Variants in HYAL3 observed in about 807,000 individuals in gnomAD.
HYAL3 encodes the protein hyaluronidase-3.
Under a neutral mutation model 29.6 loss-of-function variants are expected in HYAL3, and 25 were observed. The observed-to-expected ratio is 0.85, with a 90% CI of 0.62 to 1.18. HYAL3 has a LOEUF of 1.18. Ranked by LOEUF, HYAL3 falls within the 50% of genes most tolerant of loss-of-function variation. HYAL3 has a pLI of 0.00. For synonymous variants in HYAL3, 215 were observed against 218.3 expected (o/e 0.99, Z 0.13); for missense variants, 442 against 548.4 (o/e 0.81, Z 1.94).
chr3:50,295,215 C>A lies in HYAL3; in HGVS notation c.388G>T (p.Glu130Ter), dbSNP rs782241756. 3.7e-6 allele frequency: 6 copies of A among 1,613,552 alleles called. No homozygotes were observed. In the Admixed American group the frequency reaches 6.7e-5, roughly 18 times the overall value. The change falls in exon 2 of 4, where the codon GAG becomes TAG. Residue 130 changes from glutamate to a stop codon, truncating the protein, a stop_gained. Coordinates refer to ENST00000336307, the MANE Select transcript of HYAL3 (RefSeq NM_003549.4). LOFTEE classifies it high-confidence loss of function. ...FAGPAVLDWE[E>*]WCPLWAGNWG... is the part of the protein sequence containing the mutation. The stretch of plus-strand genomic sequence containing the variant: ...TTCCCAGCCCAGAGTGGACACCACT[C>A]CTCCCAATCCAGCACTGCTGGGCCA...
At chr3:50,298,874 C>T in intron 1 of HYAL3, 3 of 1,303,062 alleles carry the variant, frequency 2.3e-6, no homozygotes, top group Non-Finnish European at 2.9e-6. Context: ...GGGAGGAAGC[C>T]CCAGGATCCG....
chr3:50,294,367 A>G lies in HYAL3; in HGVS notation c.894+342T>C, dbSNP rs143466027. On this transcript the variant is annotated intron_variant, in intron 2 of 3. Coordinates refer to ENST00000336307, the MANE Select transcript of HYAL3 (RefSeq NM_003549.4). The stretch of plus-strand genomic sequence containing the variant: ...AGGCTGGTCTCGAACTCTTGGCCTC[A>G]AGGAATCCTTCCATCTCAGGCTCCC... 1.3e-3 allele frequency among the ~76,000 whole-genome samples: 192 copies of G among 152,260 alleles called. 1 individual carries two copies. The highest frequency in any genetic ancestry group is 4.5e-3 in the African/African-American group (185 of 41,556).
chr3:50,296,074 G>A (rs1365459652), intron 1 of HYAL3, among the ~76,000 whole-genome samples: 1 of 152,220 alleles, frequency 6.6e-6, no homozygotes. Context: ...CAGGTGGAGT[G>A]AAGTCACTTG....
At chr3:50,298,063 A>C (rs1281571167) in intron 1 of HYAL3, 5 of 985,530 alleles carry the variant, frequency 5.1e-6, no homozygotes, top group Non-Finnish European at 6.0e-6. Context: ...TCTGTCTTCC[A>C]GTAGTCCTCC....
chr3:50,298,641 C>T (rs1701971267), intron 1 of HYAL3, among the ~76,000 whole-genome samples: 1 of 152,146 alleles, frequency 6.6e-6, no homozygotes, highest in African/African-American at 2.4e-5. Context: ...CAGGTCTATG[C>T]TGGGGGTTTT....
intron 1 of HYAL3, chr3:50,296,800 T>C: frequency 1.9e-6 from 3 of 1,579,958 alleles, no homozygotes; most frequent in Non-Finnish European, 1.7e-6. Flanking sequence ...GGGGCCTTCC[T>C]GGGTGGCCGG....
rs782339965 is a variant in HYAL3 at position 50,293,302 on chromosome 3, C to G, written c.1198G>C (p.Gly400Arg). ...WKSFSCHCYW[G>R]WAGPTCQEPR... ...TCCTGGCAGGTGGGGCCAGCCCAGC[C>G]CCAGTAACAGTGGCAGCTGAAGGAC... is the stretch of plus-strand genomic sequence containing the variant. Residue 400 changes from glycine to arginine, a missense_variant, in exon 4 of 4, where the codon GGC (glycine) becomes CGC (arginine). Transcript: ENST00000336307. 2 of 1,613,380 alleles carry G rather than the reference C, an allele frequency of 1.2e-6. No homozygotes were observed. The highest frequency in any genetic ancestry group is 1.7e-6 in the Non-Finnish European group (2 of 1,180,022).
At chr3:50,295,646 T>C (rs1183433325) in intron 1 of HYAL3, 27 bp from the exon 2 acceptor site, 1 of 1,502,776 alleles carries the variant, frequency 6.7e-7, no homozygotes, top group East Asian at 2.3e-5. Flanking sequence ...GGTGTAAGCT[T>C]AGAGTCCGCA....
At position 50,297,173 on chromosome 3, in the gene HYAL3, G is replaced by C; in HGVS notation, c.-17-1554C>G. ...TCAGGCAGAGGGGGAAGGCATCTGAGGACTGGCCCAGGGAGTGCAGGCGGG... is the reference window on the plus strand; with the variant it reads ...TCAGGCAGAGGGGGAAGGCATCTGACGACTGGCCCAGGGAGTGCAGGCGGG... On this transcript the variant is annotated intron_variant, in intron 1 of 3. Coordinates refer to ENST00000336307, the MANE Select transcript of HYAL3 (RefSeq NM_003549.4). The surrounding 1 kb of genome is among the most constrained non-coding windows in gnomAD (Gnocchi z 4.3). 1 of 1,608,452 alleles carries C rather than the reference G, an allele frequency of 6.2e-7. No homozygotes were observed. The highest frequency in any genetic ancestry group is 1.3e-5 in the African/African-American group (1 of 74,954).
In HYAL3 at chr3:50,297,678, G is replaced by C; in HGVS notation, c.-18+1535C>G. 7.2e-7 allele frequency: 1 copy of C among 1,391,986 alleles called. No individual in the cohort carries two copies. The highest frequency in any genetic ancestry group is 9.3e-7 in the Non-Finnish European group (1 of 1,077,974). 86.2% of individuals were successfully genotyped at this position (1,391,986 alleles called of 1,614,324 possible). A position where few individuals can be genotyped will look rare whatever the true frequency, so the allele number is the denominator to read the frequency against. The stretch of plus-strand genomic sequence containing the variant: ...AGACCACAGTGGCTCTCCTCCTGTA[G>C]ATAACAGCCATGCTGGGCTGTGCCA... On this transcript the variant is annotated intron_variant, in intron 1 of 3. Transcript: ENST00000336307. This position sits in a 1 kb window ranked among gnomAD's most constrained non-coding sequence, Gnocchi z 4.3.
chr3:50,293,689 TGCA>T lies in HYAL3; in HGVS notation c.924_926del (p.Ser308_Ala309delinsArg), dbSNP rs1701743312. On this transcript the variant is annotated inframe_deletion, in exon 3 of 4. Transcript: ENST00000336307. ...GCACCACGCCGGCTGCCCCTAGTGC[TGCA>T]CTCACACCAATGGACTGCACAAGGT... The T allele has an allele frequency of 6.2e-7, 1 of 1,613,624 alleles. No individual in the cohort carries two copies. The highest frequency in any genetic ancestry group is 8.5e-7 in the Non-Finnish European group (1 of 1,180,036).
rs369623576 is a variant in HYAL3 at position 50,297,348 on chromosome 3, G to A, written c.-17-1729C>T. 8.3e-5 allele frequency: 134 copies of A among 1,611,788 alleles called. 1 individual carries two copies. The African/African-American group carries it at 1.5e-3, about 18-fold the overall frequency. ...GTGTTCAGGATCCAGGGTAAGCTCA[G>A]TTGGACCAGGATTGAAGGTCATCTC... On this transcript the variant is annotated intron_variant, in intron 1 of 3. Transcript: ENST00000336307. This position sits in a 1 kb window ranked among gnomAD's most constrained non-coding sequence, Gnocchi z 4.3.
rs1553710462 is a variant in HYAL3 at position 50,293,678 on chromosome 3, G to C, written c.938C>G (p.Ala313Gly). Reference sequence around the variant, plus strand: ...GTCCCCCCAGAGCACCACGCCGGCTGCCCCTAGTGCTGCACTCACACCAAT... The same window carrying C: ...GTCCCCCCAGAGCACCACGCCGGCTCCCCCTAGTGCTGCACTCACACCAAT... Reference protein sequence around the residue: ...QSIGVSAALGAAGVVLWGDLS... With the variant: ...QSIGVSAALGGAGVVLWGDLS... The change falls in exon 3 of 4, where the codon GCA becomes GGA. Residue 313 changes from alanine (A) to glycine (G), a missense_variant. Ala to Gly is a moderately conservative substitution (Grantham distance 60, BLOSUM62 0). Transcript: ENST00000336307. The C allele has an allele frequency of 6.2e-7, 1 of 1,613,782 alleles. No individual in the cohort carries two copies. The highest frequency in any genetic ancestry group is 8.5e-7 in the Non-Finnish European group (1 of 1,180,036).
chr3:50,293,186 G>C lies in HYAL3; in HGVS notation c.*60C>G. On this transcript the variant is annotated 3_prime_UTR_variant, in exon 4 of 4. Transcript: ENST00000336307. ...AATAGAGCAAGAGTGGGACAGAGTA[G>C]TTCCAGGACTGGAAAAGTGGCAGCA... The C allele has an allele frequency of 6.2e-7, 1 of 1,604,758 alleles. No individual in the cohort carries two copies. Among genetic ancestry groups the C allele is most frequent in the Non-Finnish European group, 8.5e-7 (1 of 1,172,772 alleles).
chr3:50,299,023 G>A (rs11545105), intron 1 of HYAL3, 190 bp downstream of exon 1: 20,402 of 1,509,890 alleles, frequency 0.014, 265 homozygotes, highest in Middle Eastern at 0.048. Context: ...CTCCCTCCTA[G>A]TGGGTCACAG....
intron 1 of HYAL3, chr3:50,296,611 C>A: frequency 6.2e-7 from 1 of 1,613,998 alleles, no homozygotes; most frequent in Admixed American, 1.7e-5. Flanking sequence ...CCTCAGATGT[C>A]TTTTTCCATC....
chr3:50,297,256 C>A lies in HYAL3; in HGVS notation c.-17-1637G>T. 6.2e-7 allele frequency: 1 copy of A among 1,610,078 alleles called. No individual in the cohort carries two copies. The highest frequency in any genetic ancestry group is 1.3e-5 in the African/African-American group (1 of 74,944). On this transcript the variant is annotated intron_variant, in intron 1 of 3. Transcript: ENST00000336307. This position sits in a 1 kb window ranked among gnomAD's most constrained non-coding sequence, Gnocchi z 4.3. ...AGGTCAGCACAAGCATCCAGGAGCT[C>A]GGGTCGGCGGTGCACAGGCTCCAGG...
In HYAL3 at chr3:50,293,399, A is replaced by T. The variant is rs782596355; in HGVS notation, c.1101T>A (p.Cys367Ter). 1.9e-6 allele frequency: 3 copies of T among 1,613,640 alleles called. No homozygotes were observed. The highest frequency in any genetic ancestry group is 2.5e-6 in the Non-Finnish European group (3 of 1,180,036). ...CCATCTGTCCTGGATCTCGCCGGGC[A>T]CAGCGCCCGTGGCCATGGCACCGCT... is the stretch of plus-strand genomic sequence containing the variant. ...SHQRCHGHGRCARRDPGQMEA... is the reference protein window; with the variant it reads ...SHQRCHGHGR Residue 367 changes from cysteine to a stop codon, truncating the protein, a stop_gained, in exon 4 of 4, where the codon TGT becomes TGA. Transcript: ENST00000336307. LOFTEE classifies it high-confidence loss of function.
rs1553710462 is a variant in HYAL3, at chr3:50,293,678, G to A, written c.938C>T (p.Ala313Val). The change falls in exon 3 of 4, where the codon GCA becomes GTA. Residue 313 changes from alanine (A) to valine (V), a missense_variant. Ala to Val is a moderately conservative substitution (Grantham distance 64, BLOSUM62 0). Coordinates refer to ENST00000336307, the MANE Select transcript of HYAL3 (RefSeq NM_003549.4). ...QSIGVSAALG[A>V]AGVVLWGDLS... ...GTCCCCCCAGAGCACCACGCCGGCT[G>A]CCCCTAGTGCTGCACTCACACCAAT... 1.2e-6 allele frequency: 2 copies of A among 1,613,782 alleles called. No individual in the cohort carries two copies. Among genetic ancestry groups the A allele is most frequent in the Non-Finnish European group, 1.7e-6 (2 of 1,180,036 alleles).
Sources: allele counts gnomAD v4.1 joint callset (sites outside exome capture counted in the v4.1 genomes callset), GRCh38; gene constraint gnomAD v4.1.1; non-coding constraint Gnocchi (gnomAD v3.1); transcripts MANE v1.5; gene names NCBI Gene and HGNC (gene_info 2026-07-23, HGNC 2026-07-21).